NFIB: variants seen among roughly 807,000 people sequenced by gnomAD.
The protein encoded by NFIB is nuclear factor I B.
A neutral mutation model predicts 61.5 loss-of-function variants in NFIB; 11 were observed. The observed-to-expected ratio is 0.18, with a 90% CI of 0.11 to 0.30. NFIB has a LOEUF of 0.30. Among genes scored for constraint, NFIB ranks in the 10% least tolerant of loss-of-function variants. The pLI, the probability that NFIB is intolerant of heterozygous loss-of-function variation, is 1.00. For synonymous variants in NFIB, 260 were observed against 216.5 expected (o/e 1.20, Z -1.76); for missense variants, 471 against 608.9 (o/e 0.77, Z 2.38).
the NFIB span, among the ~76,000 whole-genome samples, chr9:14,411,055 A>C: frequency 6.6e-6 from 1 of 152,326 alleles, no homozygotes; most frequent in Non-Finnish European, 1.5e-5. Flanking sequence ...ATTAGTGGTA[A>C]GTAAAAAGTC....
chr9:14,217,386 C>T (rs529374437), intron 2 of NFIB, among the ~76,000 whole-genome samples: 53 of 152,184 alleles, frequency 3.5e-4, no homozygotes, highest in Admixed American at 7.2e-4. Context: ...CTAGGCTGGG[C>T]GCGGTGGCTC....
At chr9:14,167,682 C>A (rs890117348) in intron 3 of NFIB, among the ~76,000 whole-genome samples, 1 of 152,178 alleles carries the variant, frequency 6.6e-6, no homozygotes, top group Non-Finnish European at 1.5e-5. Flanking sequence ...GCTATTTCCA[C>A]AGCACAAAAA....
At chr9:14,205,962 C>T (rs1188594591) in intron 2 of NFIB, among the ~76,000 whole-genome samples, 1 of 151,726 alleles carries the variant, frequency 6.6e-6, no homozygotes, top group Non-Finnish European at 1.5e-5. Context: ...CACACTTTTC[C>T]TGGACCTTTT....
chr9:14,471,713 G>C, the NFIB span, among the ~76,000 whole-genome samples: 1 of 152,126 alleles, frequency 6.6e-6, no homozygotes, highest in Non-Finnish European at 1.5e-5. Context: ...GTTTTTCCCT[G>C]TCACAGGGCC....
chr9:14,307,585 A>G lies in NFIB; in HGVS notation c.31-65T>C. The G allele has an allele frequency of 1.2e-5, 18 of 1,453,572 alleles. No individual in the cohort carries two copies. The highest frequency in any genetic ancestry group is 1.6e-5 in the Non-Finnish European group (17 of 1,095,838). The allele number at this position is 1,453,572 out of a possible 1,614,324, so 90.0% of individuals were successfully genotyped here. On this transcript the variant is annotated intron_variant, in intron 1 of 10. Coordinates refer to ENST00000380953, the MANE Select transcript of NFIB (RefSeq NM_001190737.2). The surrounding 1 kb of genome is among the most constrained non-coding windows in gnomAD (Gnocchi z 5.3). ...CAGTTTAATTTTAAAAGCTCAAAAAATAAGAAAAGAAGACCACAACCCGTT... is the reference window on the plus strand; with the variant it reads ...CAGTTTAATTTTAAAAGCTCAAAAAGTAAGAAAAGAAGACCACAACCCGTT...
intron 2 of NFIB, among the ~76,000 whole-genome samples, chr9:14,203,235 C>T (rs773659688): frequency 2.0e-4 from 30 of 152,158 alleles, no homozygotes; most frequent in Admixed American, 6.5e-4. Flanking sequence ...AGAAAGCTAC[C>T]CTTTCCATTC....
the NFIB span, among the ~76,000 whole-genome samples, chr9:14,444,840 T>G: frequency 1.3e-5 from 2 of 152,192 alleles, no homozygotes; most frequent in Non-Finnish European, 2.9e-5. Context: ...ACCCTTTTTG[T>G]GCACTATCTG....
chr9:14,361,468 T>G (rs1288300742), intron 1 of NFIB: 1 of 152,180 alleles, frequency 6.6e-6, no homozygotes, highest in East Asian at 1.9e-4. Flanking sequence ...AAAAAGAGAA[T>G]TGTTCTGAAT....
At chr9:14,176,156 C>T (rs1300250551) in intron 3 of NFIB, among the ~76,000 whole-genome samples, 1 of 151,564 alleles carries the variant, frequency 6.6e-6, no homozygotes, top group East Asian at 1.9e-4. Flanking sequence ...ATGTCTAAGT[C>T]CCAAAATTAA....
intron 2 of NFIB, among the ~76,000 whole-genome samples, chr9:14,203,040 G>A (rs2049227467): frequency 6.6e-6 from 1 of 152,158 alleles, no homozygotes; most frequent in African/African-American, 2.4e-5. Flanking sequence ...ATGCCTTGCA[G>A]GGGACATTTA....
intron 6 of NFIB, among the ~76,000 whole-genome samples, chr9:14,131,043 TA>T (rs144218013): frequency 0.022 from 3,418 of 152,256 alleles, 130 homozygotes; most frequent in African/African-American, 0.077. Flanking sequence ...ATGCATTAAA[TA>T]GTTGCAATCA....
rs1436740174 is a variant in NFIB, at chr9:14,084,515, T to C, written c.*3794A>G. On this transcript the variant is annotated 3_prime_UTR_variant, in exon 11 of 11. Transcript: ENST00000380953. ...TATGTACAGTCTCCTTCACTGCCTT[T>C]TATTTTTTTCCTTAGACAAGCCTCA... is the stretch of plus-strand genomic sequence containing the variant. 1 of 225,728 alleles carries C rather than the reference T, an allele frequency of 4.4e-6. No homozygotes were observed. Among genetic ancestry groups the C allele is most frequent in the African/African-American group, 2.2e-5 (1 of 44,870 alleles). 14.0% of individuals were successfully genotyped at this position (225,728 alleles called of 1,614,324 possible). A position where few individuals can be genotyped will look rare whatever the true frequency, so the allele number is the denominator to read the frequency against.
At chr9:14,280,938 T>A (rs1588104755) in intron 2 of NFIB, among the ~76,000 whole-genome samples, 1 of 152,172 alleles carries the variant, frequency 6.6e-6, no homozygotes, top group African/African-American at 2.4e-5. Flanking sequence ...TGGAGATTCA[T>A]TAAACTACAA....
At chr9:14,395,046 T>C (rs893007550) in intron 1 of NFIB, among the ~76,000 whole-genome samples, 1 of 152,190 alleles carries the variant, frequency 6.6e-6, no homozygotes, top group African/African-American at 2.4e-5. Context: ...GACCAGTTTT[T>C]TCTCTTTATC....
the NFIB span, among the ~76,000 whole-genome samples, chr9:14,419,591 C>A: frequency 6.6e-6 from 1 of 152,198 alleles, no homozygotes; most frequent in South Asian, 2.1e-4. Flanking sequence ...CGTTACGTAG[C>A]CTTGCATGTT....
chr9:14,142,685 T>G (rs1049230835), intron 6 of NFIB, among the ~76,000 whole-genome samples: 1 of 152,198 alleles, frequency 6.6e-6, no homozygotes, highest in Non-Finnish European at 1.5e-5. Flanking sequence ...ATGGAATTTT[T>G]TATGGAGGAA....
intron 5 of NFIB, among the ~76,000 whole-genome samples, chr9:14,148,515 T>C (rs1342065769): frequency 2.6e-5 from 4 of 152,306 alleles, no homozygotes; most frequent in African/African-American, 7.2e-5. Flanking sequence ...ATAATAACCA[T>C]AATGTTATAG....
the NFIB span, among the ~76,000 whole-genome samples, chr9:14,420,307 T>C: frequency 2.0e-5 from 3 of 151,596 alleles, no homozygotes; most frequent in African/African-American, 7.3e-5. Flanking sequence ...ATTAGTGGGC[T>C]TGGTGGTGTG....
rs2038746540 is a variant in NFIB, at chr9:14,120,230, C to T, written c.1245+210G>A. On this transcript the variant is annotated intron_variant, in intron 8 of 10. Transcript: ENST00000380953. The surrounding 1 kb of genome is among the most constrained non-coding windows in gnomAD (Gnocchi z 4.4). ...AAATCCAAAAACATTAAACCATCTT[C>T]ACAAATGTACCCTTTGGGGCAACAC... is the stretch of plus-strand genomic sequence containing the variant. Among the ~76,000 whole-genome samples the T allele has an allele frequency of 6.6e-6, 1 of 152,204 alleles. No individual in the cohort carries two copies. Among genetic ancestry groups the T allele is most frequent in the Non-Finnish European group, 1.5e-5 (1 of 68,044 alleles).
Sources: gnomAD v4.1 joint callset for allele counts (sites outside exome capture counted in the v4.1 genomes callset) on GRCh38, gnomAD v4.1.1 for gene constraint, Gnocchi (gnomAD v3.1) non-coding constraint, MANE v1.5 for transcripts, NCBI Gene and HGNC (gene_info 2026-07-23, HGNC 2026-07-21) for gene names.